Variants in ARHGEF26 observed in about 807,000 individuals in gnomAD.
The protein encoded by ARHGEF26 is Rho guanine nucleotide exchange factor 26.
A neutral mutation model predicts 89.4 loss-of-function variants in ARHGEF26; 59 were observed. That is an observed-to-expected ratio of 0.66 (90% confidence interval 0.54 to 0.82). The LOEUF (loss-of-function observed/expected upper bound fraction) is 0.82, where lower values mean the gene tolerates loss of function less well. ARHGEF26 is among the 40% of genes least tolerant of loss of function. The pLI is 0.00. For missense variants in ARHGEF26, 1,234 were observed against 1,085.6 expected, an observed-to-expected ratio of 1.14 and a Z score of -1.92; for synonymous variants, 500 against 428.4, an observed-to-expected ratio of 1.17 and a Z score of -2.06.
intron 6 of ARHGEF26, among the ~76,000 whole-genome samples, chr3:154,167,429 C>T (rs1443907591): frequency 6.6e-6 from 1 of 152,142 alleles, no homozygotes; most frequent in Non-Finnish European, 1.5e-5. Flanking sequence ...TCTTTCCTTT[C>T]CTCCTTTGTC....
intron 6 of ARHGEF26, among the ~76,000 whole-genome samples, chr3:154,186,136 GACACAC>G (rs60675240): frequency 0.021 from 3,041 of 147,026 alleles, 86 homozygotes; most frequent in African/African-American, 0.072. Flanking sequence ...CACACACTTA[GACACAC>G]ACACACACAC....
chr3:154,211,717 A>G (rs977738856), intron 9 of ARHGEF26, among the ~76,000 whole-genome samples: 1 of 152,234 alleles, frequency 6.6e-6, no homozygotes, highest in Non-Finnish European at 1.5e-5. Context: ...GGAGTCTTCT[A>G]TTCCATTATC....
At position 154,121,969 on chromosome 3, in the gene ARHGEF26, C is replaced by T; in HGVS notation, c.-24C>T. ...AAGACTAACTCGGTGTTGCTCCTCC[C>T]GGCGCTGACTTCGAGGCCCGGCTAT... On this transcript the variant is annotated 5_prime_UTR_variant, in exon 2 of 15. Coordinates refer to ENST00000465093, the MANE Select transcript of ARHGEF26 (RefSeq NM_015595.4). The T allele has an allele frequency of 3.2e-6, 5 of 1,569,860 alleles. No individual in the cohort carries two copies. Among genetic ancestry groups the T allele is most frequent in the Non-Finnish European group, 4.3e-6 (5 of 1,152,756 alleles).
At chr3:154,239,616 C>G (rs139998265) in intron 11 of ARHGEF26, among the ~76,000 whole-genome samples, 1 of 151,884 alleles carries the variant, frequency 6.6e-6, no homozygotes, top group African/African-American at 2.4e-5. Flanking sequence ...GGTTCAGAGA[C>G]GAGGCCAAGT....
Position 154,256,887 on chromosome 3 carries a change from T to A in ARHGEF26, c.*1414T>A. 1 of 1,534,572 alleles carries A rather than the reference T, an allele frequency of 6.5e-7. No homozygotes were observed. On this transcript the variant is annotated 3_prime_UTR_variant, in exon 15 of 15. Coordinates refer to ENST00000465093, the MANE Select transcript of ARHGEF26 (RefSeq NM_015595.4). ...CACTAGTGCACAGAGAGAGAAAGGT[T>A]ATCTTAATAGTCGGTTTCATGGAGA...
Position 154,257,604 on chromosome 3 carries a change from G to A in ARHGEF26, c.*2131G>A, listed in dbSNP as rs573987993. The A allele has an allele frequency of 6.6e-6, 1 of 152,302 alleles. No individual in the cohort carries two copies. Among genetic ancestry groups the A allele is most frequent in the East Asian group, 1.9e-4 (1 of 5,182 alleles). 9.4% of individuals were successfully genotyped at this position (152,302 alleles called of 1,614,324 possible). On this transcript the variant is annotated 3_prime_UTR_variant, in exon 15 of 15. Coordinates refer to ENST00000465093, the MANE Select transcript of ARHGEF26 (RefSeq NM_015595.4). Reference sequence around the variant, plus strand: ...TTAGCAAGATCAATGTTAAAGTGTTGTTATATGGCAAGTATTTAACACATT... The same window carrying A: ...TTAGCAAGATCAATGTTAAAGTGTTATTATATGGCAAGTATTTAACACATT...
intron 11 of ARHGEF26, among the ~76,000 whole-genome samples, chr3:154,226,436 C>T (rs892285650): frequency 2.0e-5 from 3 of 152,112 alleles, no homozygotes; most frequent in African/African-American, 7.2e-5. Context: ...AAATGCACTG[C>T]TTTTAATGAT....
chr3:154,181,722 A>G (rs1713195215), intron 6 of ARHGEF26, among the ~76,000 whole-genome samples: 1 of 152,120 alleles, frequency 6.6e-6, no homozygotes. Context: ...GAAGAATTGT[A>G]AAGACTTGTG....
chr3:154,157,103 TCTGA>T (rs1559867376), intron 6 of ARHGEF26, among the ~76,000 whole-genome samples: 2 of 152,140 alleles, frequency 1.3e-5, no homozygotes, highest in Non-Finnish European at 2.9e-5. Context: ...CAACGATCAT[TCTGA>T]CTGTGTGTGT....
intron 6 of ARHGEF26, among the ~76,000 whole-genome samples, chr3:154,168,935 G>A (rs1277594978): frequency 6.6e-6 from 1 of 151,244 alleles, no homozygotes. Flanking sequence ...GCTATCTTTA[G>A]CTTAATTCTA....
At chr3:154,138,035 AC>A (rs1399327815) in intron 4 of ARHGEF26, among the ~76,000 whole-genome samples, 1 of 152,188 alleles carries the variant, frequency 6.6e-6, no homozygotes, top group African/African-American at 2.4e-5. Flanking sequence ...TTTATAATAT[AC>A]AGCTTGTTTC....
At chr3:154,127,366 A>G (rs1373707087) in intron 3 of ARHGEF26, among the ~76,000 whole-genome samples, 5 of 152,180 alleles carry the variant, frequency 3.3e-5, no homozygotes, top group African/African-American at 9.7e-5. Flanking sequence ...GCTTTTTCCT[A>G]TTGTAAAAAA....
At chr3:154,254,024 T>C (rs1395224648) in intron 13 of ARHGEF26, among the ~76,000 whole-genome samples, 1 of 152,226 alleles carries the variant, frequency 6.6e-6, no homozygotes, top group Non-Finnish European at 1.5e-5. Flanking sequence ...CATACCATTC[T>C]CCTGCCTCAG....
At chr3:154,181,092 A>T (rs1713154746) in intron 6 of ARHGEF26, among the ~76,000 whole-genome samples, 1 of 152,180 alleles carries the variant, frequency 6.6e-6, no homozygotes, top group Admixed American at 6.5e-5. Context: ...GTATGTCAAA[A>T]GAAACTGACT....
intron 4 of ARHGEF26, among the ~76,000 whole-genome samples, chr3:154,135,418 T>C (rs1429688802): frequency 6.6e-6 from 1 of 152,186 alleles, no homozygotes; most frequent in Non-Finnish European, 1.5e-5. Flanking sequence ...GGGTCAGTGG[T>C]AATATCCCCC....
At chr3:154,124,059 A>C (rs1312640775) in intron 2 of ARHGEF26, among the ~76,000 whole-genome samples, 3 of 150,362 alleles carry the variant, frequency 2.0e-5, no homozygotes, top group Non-Finnish European at 4.4e-5. Flanking sequence ...ATTACATAAC[A>C]TTTTATGTGT....
chr3:154,193,892 T>A (rs1320204917), intron 8 of ARHGEF26, among the ~76,000 whole-genome samples: 1 of 151,582 alleles, frequency 6.6e-6, no homozygotes, highest in Admixed American at 6.6e-5. Context: ...AGGAGTGCAA[T>A]GGTGCGATCT....
chr3:154,253,249 G>T, intron 13 of ARHGEF26, 66 bp downstream of exon 13: 1 of 1,576,928 alleles, frequency 6.3e-7, no homozygotes, highest in Non-Finnish European at 8.7e-7. Flanking sequence ...CTGGACGCCG[G>T]GTTACTAACG....
At position 154,255,712 on chromosome 3, in the gene ARHGEF26, T is replaced by G; in HGVS notation, c.*239T>G. 2 of 1,318,740 alleles carry G rather than the reference T, an allele frequency of 1.5e-6. No homozygotes were observed. Among genetic ancestry groups the G allele is most frequent in the East Asian group, 3.0e-5 (1 of 33,392 alleles). 81.7% of individuals were successfully genotyped at this position (1,318,740 alleles called of 1,614,324 possible). On this transcript the variant is annotated 3_prime_UTR_variant, in exon 15 of 15. Coordinates refer to ENST00000465093, the MANE Select transcript of ARHGEF26 (RefSeq NM_015595.4). ...TGCAGACCTCCTGAGGTACACAGAA[T>G]AGCTGAGCAGTTCACTTCAGGGATC...
Sources: allele counts gnomAD v4.1 joint callset (sites outside exome capture counted in the v4.1 genomes callset), GRCh38; gene constraint gnomAD v4.1.1; transcripts MANE v1.5; gene names NCBI Gene and HGNC (gene_info 2026-07-23, HGNC 2026-07-21).